Variants in UVRAG observed in about 807,000 individuals in gnomAD.
The protein encoded by UVRAG is UV radiation resistance-associated gene protein.
In UVRAG, 19 loss-of-function variants were observed where a neutral mutation model predicts 78.0. The observed-to-expected ratio is 0.24, with a 90% CI of 0.17 to 0.36. The LOEUF (loss-of-function observed/expected upper bound fraction) is 0.36. Among genes scored for constraint, UVRAG ranks in the 10% least tolerant of loss-of-function variants. The probability of loss-of-function intolerance (pLI) is 1.00; values close to 1 mark genes in which losing one functional copy is unlikely to be tolerated. For synonymous variants in UVRAG, 323 were observed against 324.6 expected (o/e 1.00, Z 0.05); for missense variants, 740 against 853.8 (o/e 0.87, Z 1.66).
chr11:75,938,329 A>G (rs1438324811), intron 6 of UVRAG, among the ~76,000 whole-genome samples: 3 of 152,052 alleles, frequency 2.0e-5, no homozygotes, highest in Non-Finnish European at 2.9e-5. Context: ...ATCTCTAGCA[A>G]TTTTGGATCA....
At chr11:75,909,806 C>T (rs1342272451) in intron 5 of UVRAG, among the ~76,000 whole-genome samples, 10 of 152,026 alleles carry the variant, frequency 6.6e-5, no homozygotes, top group South Asian at 4.2e-4. Context: ...GCTGATATTT[C>T]GCTAAGGATT....
At chr11:76,065,862 T>C in intron 13 of UVRAG, 74 bp downstream of exon 13, 1 of 1,382,266 alleles carries the variant, frequency 7.2e-7, no homozygotes. Context: ...GCCTTTTTTC[T>C]TTATAAATAT....
chr11:75,828,721 A>ATGTGTG (rs201452485), intron 1 of UVRAG, among the ~76,000 whole-genome samples: 25 of 120,800 alleles, frequency 2.1e-4, no homozygotes, highest in African/African-American at 1.0e-3. Flanking sequence ...GTGTATATAT[A>ATGTGTG]TGTGTGTGTG....
At chr11:76,032,258 A>G (rs1950450384) in intron 12 of UVRAG, among the ~76,000 whole-genome samples, 3 of 152,200 alleles carry the variant, frequency 2.0e-5, no homozygotes, top group Non-Finnish European at 4.4e-5. Context: ...TATAAAACAA[A>G]TTTATGTCAC....
chr11:75,865,955 G>GT (rs1452335385), intron 3 of UVRAG, among the ~76,000 whole-genome samples: 4 of 151,714 alleles, frequency 2.6e-5, no homozygotes, highest in South Asian at 4.2e-4. Flanking sequence ...TCACCTTTTT[G>GT]TTTTTTTAAA....
At chr11:75,852,350 A>G (rs1292055851) in intron 2 of UVRAG, among the ~76,000 whole-genome samples, 2 of 152,204 alleles carry the variant, frequency 1.3e-5, no homozygotes, top group Non-Finnish European at 2.9e-5. Flanking sequence ...ATGGTAAAAT[A>G]GGGACCTAGT....
chr11:76,112,752 G>T (rs1392118649), intron 13 of UVRAG, among the ~76,000 whole-genome samples: 2 of 149,856 alleles, frequency 1.3e-5, no homozygotes, highest in East Asian at 2.0e-4. Flanking sequence ...TTGAGACAGG[G>T]TCTCACTCTT....
chr11:75,936,656 A>G (rs956714391), intron 6 of UVRAG, among the ~76,000 whole-genome samples: 4 of 152,154 alleles, frequency 2.6e-5, no homozygotes, highest in Non-Finnish European at 5.9e-5. Flanking sequence ...TTCTGGCATA[A>G]TATATTACAG....
At chr11:76,100,057 C>T (rs913563775) in intron 13 of UVRAG, among the ~76,000 whole-genome samples, 1 of 152,062 alleles carries the variant, frequency 6.6e-6, no homozygotes, top group Admixed American at 6.6e-5. Context: ...GTTACGCATT[C>T]CCAATTTGAT....
chr11:76,026,694 A>G (rs974718325), intron 12 of UVRAG, among the ~76,000 whole-genome samples: 4 of 152,172 alleles, frequency 2.6e-5, no homozygotes, highest in Non-Finnish European at 5.9e-5. Flanking sequence ...TGGATGATAA[A>G]TACATTGACT....
chr11:76,117,065 A>G (rs1952196442), intron 14 of UVRAG, among the ~76,000 whole-genome samples: 1 of 152,226 alleles, frequency 6.6e-6, no homozygotes, highest in African/African-American at 2.4e-5. Flanking sequence ...GTTTTAAAGT[A>G]AAGTAATAAG....
chr11:75,857,487 T>C (rs59434175), intron 2 of UVRAG, among the ~76,000 whole-genome samples: 115 of 150,724 alleles, frequency 7.6e-4, no homozygotes, highest in East Asian at 4.9e-3. Context: ...ATCTTTCTTT[T>C]TCCCCCCCCC....
At chr11:75,951,637 C>T (rs1325345343) in intron 6 of UVRAG, among the ~76,000 whole-genome samples, 1 of 152,134 alleles carries the variant, frequency 6.6e-6, no homozygotes, top group Non-Finnish European at 1.5e-5. Context: ...CCACCTCGGC[C>T]TCTCAAAGTT....
chr11:75,846,807 A>G (rs950911137), intron 1 of UVRAG, among the ~76,000 whole-genome samples: 4 of 151,768 alleles, frequency 2.6e-5, no homozygotes, highest in African/African-American at 9.7e-5. Context: ...TAGTAATGTC[A>G]GTTCTCTGAC....
At chr11:75,931,195 A>G (rs1003154101) in intron 6 of UVRAG, among the ~76,000 whole-genome samples, 2 of 151,378 alleles carry the variant, frequency 1.3e-5, no homozygotes, top group Non-Finnish European at 2.9e-5. Flanking sequence ...ACTATGGACC[A>G]TCATTCATGT....
intron 13 of UVRAG, among the ~76,000 whole-genome samples, chr11:76,112,069 A>G (rs1458900439): frequency 6.6e-6 from 1 of 152,148 alleles, no homozygotes; most frequent in Admixed American, 6.5e-5. Context: ...GAAAGGATGT[A>G]CTAAGTGCTT....
At chr11:75,822,744 T>C (rs867511813) in intron 1 of UVRAG, among the ~76,000 whole-genome samples, 2 of 151,790 alleles carry the variant, frequency 1.3e-5, no homozygotes, top group Non-Finnish European at 2.9e-5. Flanking sequence ...GGGAACAGTA[T>C]GGGGGAAGTG....
intron 13 of UVRAG, among the ~76,000 whole-genome samples, chr11:76,106,526 C>T (rs1030294590): frequency 6.6e-5 from 10 of 151,978 alleles, no homozygotes; most frequent in South Asian, 2.1e-4. Context: ...CCACCATGCC[C>T]GGCTAATTTT....
intron 11 of UVRAG, among the ~76,000 whole-genome samples, chr11:76,012,160 T>G (rs1364333506): frequency 6.6e-6 from 1 of 151,992 alleles, no homozygotes; most frequent in African/African-American, 2.4e-5. Flanking sequence ...TACTCCAGTC[T>G]AGGTGACAGA....
Sources: allele counts gnomAD v4.1 joint callset (sites outside exome capture counted in the v4.1 genomes callset), GRCh38; gene constraint gnomAD v4.1.1; transcripts MANE v1.5; gene names NCBI Gene and HGNC (gene_info 2026-07-23, HGNC 2026-07-21).